PTPRD: variants seen among roughly 807,000 people sequenced by gnomAD.
PTPRD encodes the protein receptor-type tyrosine-protein phosphatase delta.
In PTPRD, 34 loss-of-function variants were observed where a neutral mutation model predicts 214.5. The ratio of observed to expected loss-of-function variants is 0.16; its 90% confidence interval spans 0.12 to 0.21. The LOEUF is 0.21. Ranked by LOEUF, PTPRD falls within the 10% of genes least tolerant of loss-of-function variation. PTPRD has a pLI of 1.00. For synonymous variants in PTPRD, 1,128 were observed against 845.7 expected, an observed-to-expected ratio of 1.33 and a Z score of -5.79; for missense variants, 2,545 against 2,398.7, an observed-to-expected ratio of 1.06 and a Z score of -1.27.
intron 2 of PTPRD, among the ~76,000 whole-genome samples, chr9:10,576,498 C>T (rs2069388930): frequency 6.6e-6 from 1 of 152,156 alleles, no homozygotes; most frequent in African/African-American, 2.4e-5. Flanking sequence ...ACTGTTATTG[C>T]AAAAACATAA....
chr9:9,046,421 C>T (rs766646387), intron 10 of PTPRD, among the ~76,000 whole-genome samples: 5 of 152,064 alleles, frequency 3.3e-5, no homozygotes, highest in Admixed American at 6.6e-5. Context: ...TAGCTGTTAT[C>T]GTGAACTGAA....
At chr9:8,862,906 CTG>C (rs2098130841) in intron 11 of PTPRD, among the ~76,000 whole-genome samples, 1 of 148,738 alleles carries the variant, frequency 6.7e-6, no homozygotes, top group Admixed American at 6.7e-5. Context: ...ACATCACACT[CTG>C]GGGACGGTTG....
rs763046353 is a variant in PTPRD at position 8,981,716 on chromosome 9, ATTT to A, written c.-104+36978_-104+36980del. On this transcript the variant is annotated intron_variant, in intron 11 of 45. Transcript: ENST00000381196. ...AATTTCTTTTTCTCCTCCTTATAGG[ATTT>A]TTTTTTGAGGACTAAATGAGATAAT... Among the ~76,000 whole-genome samples, 14 of 151,466 alleles carry A rather than the reference ATTT, an allele frequency of 9.2e-5. No homozygotes were observed. The East Asian group carries it at 2.5e-3, about 27-fold the overall frequency.
At chr9:10,326,961 A>C (rs570860067) in intron 3 of PTPRD, among the ~76,000 whole-genome samples, 4 of 151,604 alleles carry the variant, frequency 2.6e-5, no homozygotes, top group Middle Eastern at 3.4e-3. Flanking sequence ...GAACACTTTG[A>C]TAGGAAACAT....
At chr9:9,935,335 T>C (rs7034163) in intron 5 of PTPRD, among the ~76,000 whole-genome samples, 59,102 of 151,418 alleles carry the variant, frequency 0.39, 12,804 homozygotes, top group African/African-American at 0.59. Context: ...CCCATCATCG[T>C]CTCAGCCCAA....
intron 11 of PTPRD, among the ~76,000 whole-genome samples, chr9:8,787,105 G>C (rs1022267039): frequency 2.0e-5 from 3 of 152,048 alleles, no homozygotes; most frequent in African/African-American, 7.2e-5. Context: ...CAAAGTGCTA[G>C]AATTACAGAC....
intron 36 of PTPRD, among the ~76,000 whole-genome samples, chr9:8,403,088 T>C (rs1404976649): frequency 6.6e-6 from 1 of 152,148 alleles, no homozygotes. Context: ...TGGAAACAAA[T>C]GTATTAATGG....
At chr9:9,443,109 T>C (rs2144600178) in intron 8 of PTPRD, among the ~76,000 whole-genome samples, 1 of 152,240 alleles carries the variant, frequency 6.6e-6, no homozygotes, top group African/African-American at 2.4e-5. Context: ...TTGAACCCAA[T>C]ATAAAATGAA....
At chr9:8,571,692 G>T (rs750667908) in intron 14 of PTPRD, among the ~76,000 whole-genome samples, 4 of 152,124 alleles carry the variant, frequency 2.6e-5, no homozygotes, top group African/African-American at 9.7e-5. Flanking sequence ...AATAGATAGT[G>T]TAAGTGGGTT....
intron 8 of PTPRD, among the ~76,000 whole-genome samples, chr9:9,530,715 T>G (rs781678661): frequency 1.1e-4 from 17 of 152,146 alleles, no homozygotes; most frequent in Non-Finnish European, 1.5e-5. Context: ...AAAAAATGAA[T>G]GAAATAATGT....
chr9:9,461,528 G>T (rs983997275), intron 8 of PTPRD, among the ~76,000 whole-genome samples: 1 of 152,038 alleles, frequency 6.6e-6, no homozygotes, highest in Non-Finnish European at 1.5e-5. Flanking sequence ...AAACAGAATG[G>T]AAGAAAGTTA....
At chr9:9,065,506 G>A (rs909329860) in intron 10 of PTPRD, among the ~76,000 whole-genome samples, 1 of 152,304 alleles carries the variant, frequency 6.6e-6, no homozygotes, top group South Asian at 2.1e-4. Context: ...CAAGTGTGTA[G>A]GACCTTGTAA....
intron 2 of PTPRD, among the ~76,000 whole-genome samples, chr9:10,543,012 A>C (rs1000285009): frequency 1.3e-5 from 2 of 152,000 alleles, no homozygotes; most frequent in African/African-American, 4.8e-5. Flanking sequence ...TGGTCTCCCA[A>C]AGTGCTGGGA....
chr9:9,969,866 GGGAAGCA>G (rs1156551287), intron 4 of PTPRD, among the ~76,000 whole-genome samples: 1 of 152,126 alleles, frequency 6.6e-6, no homozygotes, highest in East Asian at 1.9e-4. Context: ...AGCTGTAGTG[GGGAAGCA>G]GGAACTTGTA....
chr9:10,200,653 A>G (rs184556862), intron 3 of PTPRD, among the ~76,000 whole-genome samples: 2 of 152,230 alleles, frequency 1.3e-5, no homozygotes, highest in East Asian at 1.9e-4. Flanking sequence ...ACAAAGACAT[A>G]TTCTCAAGGG....
chr9:8,383,784 A>G (rs75392377), intron 37 of PTPRD, among the ~76,000 whole-genome samples: 23,188 of 152,150 alleles, frequency 0.15, 2,119 homozygotes, highest in African/African-American at 0.24. Flanking sequence ...TAAGTGAATC[A>G]ACCCCCACTA....
intron 5 of PTPRD, among the ~76,000 whole-genome samples, chr9:9,801,351 T>G (rs997027970): frequency 4.2e-4 from 63 of 150,628 alleles, no homozygotes; most frequent in African/African-American, 1.3e-3. Context: ...AAAAAAAAAG[T>G]AACTTTCAGT....
chr9:8,885,958 C>G (rs998542180), intron 11 of PTPRD, among the ~76,000 whole-genome samples: 1 of 152,126 alleles, frequency 6.6e-6, no homozygotes, highest in African/African-American at 2.4e-5. Context: ...CATCCATATA[C>G]GACCTAGCAG....
At chr9:9,596,652 G>C (rs680032) in intron 7 of PTPRD, among the ~76,000 whole-genome samples, 41,294 of 151,836 alleles carry the variant, frequency 0.27, 7,126 homozygotes, top group Non-Finnish European at 0.38. Flanking sequence ...ATATAGTCTA[G>C]GGTATGGTTC....
Sources: allele counts gnomAD v4.1 joint callset (sites outside exome capture counted in the v4.1 genomes callset), GRCh38; gene constraint gnomAD v4.1.1; transcripts MANE v1.5; gene names NCBI Gene and HGNC (gene_info 2026-07-23, HGNC 2026-07-21).